The following SLC7A2 variants were observed in gnomAD, a reference collection of about 807,000 sequenced individuals.
The protein encoded by SLC7A2 is cationic amino acid transporter 2.
Under a neutral mutation model 58.9 loss-of-function variants are expected in SLC7A2, and 48 were observed. The ratio of observed to expected loss-of-function variants is 0.82; its 90% CI spans 0.65 to 1.04. The LOEUF is 1.04. Ranked by LOEUF, SLC7A2 falls within the 50% of genes least tolerant of loss-of-function variation. The probability of loss-of-function intolerance (pLI) is 0.00; values close to 1 mark genes in which losing one functional copy is unlikely to be tolerated. For missense variants in SLC7A2, 1,029 were observed against 818.8 expected (o/e 1.26, Z -3.13); for synonymous variants, 363 against 314.5 (o/e 1.15, Z -1.63).
At chr8:17,524,979 G>A (rs55927152) in intron 2 of SLC7A2, among the ~76,000 whole-genome samples, 1 of 152,114 alleles carries the variant, frequency 6.6e-6, no homozygotes, top group Non-Finnish European at 1.5e-5. Flanking sequence ...AAGGGTCAGG[G>A]ATGACTCAGA....
At chr8:17,503,746 T>G (rs1039488551) in intron 2 of SLC7A2, among the ~76,000 whole-genome samples, 2 of 152,244 alleles carry the variant, frequency 1.3e-5, no homozygotes, top group Non-Finnish European at 2.9e-5. Context: ...AGCTCAAAGC[T>G]TTAGGCTACT....
chr8:17,538,685 G>T, intron 2 of SLC7A2: 1 of 910,030 alleles, frequency 1.1e-6, no homozygotes, highest in Non-Finnish European at 1.6e-6. Flanking sequence ...CGTTGGGTTT[G>T]GACATTGCAA....
At chr8:17,540,565 C>G (rs1801868488) in intron 2 of SLC7A2, among the ~76,000 whole-genome samples, 1 of 152,072 alleles carries the variant, frequency 6.6e-6, no homozygotes, top group South Asian at 2.1e-4. Flanking sequence ...GTGATTAAAG[C>G]TGTGCATTTC....
chr8:17,531,809 G>C (rs1801461705), intron 2 of SLC7A2, among the ~76,000 whole-genome samples: 1 of 151,952 alleles, frequency 6.6e-6, no homozygotes. Flanking sequence ...TCCAAGGAAG[G>C]AATTGTTTCA....
At chr8:17,501,256 C>T (rs370253732) in intron 1 of SLC7A2, among the ~76,000 whole-genome samples, 144 of 152,216 alleles carry the variant, frequency 9.5e-4, no homozygotes, top group African/African-American at 3.2e-3. Flanking sequence ...TCAAGTGATC[C>T]GCCTGCCTCG....
Position 17,563,782 on chromosome 8 carries a change from C to T in SLC7A2, c.1780+71C>T, listed in dbSNP as rs1331200626. The T allele has an allele frequency of 1.6e-5, 14 of 877,196 alleles. No individual in the cohort carries two copies. In the Admixed American group the frequency reaches 2.7e-4, roughly 17 times the overall value. The allele number at this position is 877,196 out of a possible 1,614,324, so 54.3% of individuals were successfully genotyped here. A position where few individuals can be genotyped will look rare whatever the true frequency, so the allele number is the denominator to read the frequency against. The stretch of plus-strand genomic sequence containing the variant: ...GATGAGAGAAACATGCCCTCTCCCC[C>T]ATCCTGGGAATAAAGGCTTTTTTTT... On this transcript the variant is annotated intron_variant, in intron 12 of 12. Transcript: ENST00000494857.
At chr8:17,517,587 A>G (rs914389301) in intron 2 of SLC7A2, among the ~76,000 whole-genome samples, 1 of 151,908 alleles carries the variant, frequency 6.6e-6, no homozygotes, top group Non-Finnish European at 1.5e-5. Context: ...AATTTTTAAT[A>G]CAGACTTAAG....
At chr8:17,539,915 A>G (rs552144209) in intron 2 of SLC7A2, among the ~76,000 whole-genome samples, 33 of 152,320 alleles carry the variant, frequency 2.2e-4, no homozygotes, top group African/African-American at 7.9e-4. Flanking sequence ...TAAGATGGTC[A>G]TAACCATTTC....
intron 2 of SLC7A2, among the ~76,000 whole-genome samples, chr8:17,507,866 A>G (rs1017074962): frequency 1.3e-5 from 2 of 152,168 alleles, no homozygotes; most frequent in African/African-American, 4.8e-5. Context: ...AAGTTTTTAG[A>G]TTTTGAAATT....
chr8:17,543,241 T>C, intron 2 of SLC7A2, 77 bp from the exon 3 acceptor site: 1 of 1,300,614 alleles, frequency 7.7e-7, no homozygotes. Context: ...CATACTCTAA[T>C]TGTGCCTGGA....
intron 2 of SLC7A2, chr8:17,510,584 T>G (rs1258493981): frequency 1.3e-5 from 2 of 152,182 alleles, no homozygotes; most frequent in Non-Finnish European, 1.5e-5. Flanking sequence ...TAATGATCAG[T>G]GATGTTGAGC....
chr8:17,523,916 G>A (rs1290126013), intron 2 of SLC7A2, among the ~76,000 whole-genome samples: 2 of 150,016 alleles, frequency 1.3e-5, no homozygotes, highest in African/African-American at 2.5e-5. Context: ...AAATCAGCAA[G>A]AAAAAAAAAT....
In SLC7A2 at chr8:17,568,318, A is replaced by G. The variant is rs1362907610; in HGVS notation, c.*3172A>G. 6.6e-6 allele frequency: 1 copy of G among 152,156 alleles called. No individual in the cohort carries two copies. Among genetic ancestry groups the G allele is most frequent in the Non-Finnish European group, 1.5e-5 (1 of 68,028 alleles). 9.4% of individuals were successfully genotyped at this position (152,156 alleles called of 1,614,324 possible). On this transcript the variant is annotated 3_prime_UTR_variant, in exon 13 of 13. Transcript: ENST00000494857. ...CCTACATTTAAGAATAGAGCTATGC[A>G]AACTCTGTTAAAAACTATGAGGAAA...
intron 8 of SLC7A2, among the ~76,000 whole-genome samples, chr8:17,555,252 GGTGGTATAATGAA>G (rs1245212211): frequency 2.6e-5 from 4 of 151,918 alleles, no homozygotes; most frequent in African/African-American, 4.8e-5. Context: ...TTGTGGTGGC[GGTGGTATAATGAA>G]GTTCATTCTT....
chr8:17,562,988 A>G (rs541493137), intron 11 of SLC7A2, among the ~76,000 whole-genome samples: 12 of 152,186 alleles, frequency 7.9e-5, no homozygotes, highest in African/African-American at 2.6e-4. Context: ...AAAACAAACA[A>G]ACAAATTAGC....
intron 4 of SLC7A2, among the ~76,000 whole-genome samples, chr8:17,546,896 A>T (rs1055231609): frequency 6.6e-6 from 1 of 152,204 alleles, no homozygotes; most frequent in African/African-American, 2.4e-5. Flanking sequence ...AAAGATATAC[A>T]TATGATAAAT....
chr8:17,528,560 A>G (rs980552170), intron 2 of SLC7A2, among the ~76,000 whole-genome samples: 1 of 151,838 alleles, frequency 6.6e-6, no homozygotes, highest in Non-Finnish European at 1.5e-5. Flanking sequence ...GCTAATTTTT[A>G]TAGAAACGGG....
At chr8:17,526,990 A>G (rs980455831) in intron 2 of SLC7A2, among the ~76,000 whole-genome samples, 7 of 152,114 alleles carry the variant, frequency 4.6e-5, no homozygotes, top group African/African-American at 1.7e-4. Context: ...TCAATGGGTC[A>G]GTATCATCCT....
intron 2 of SLC7A2, among the ~76,000 whole-genome samples, chr8:17,531,933 A>G (rs1018019989): frequency 6.6e-6 from 1 of 152,066 alleles, no homozygotes; most frequent in Non-Finnish European, 1.5e-5. Context: ...TTTCTTAGTT[A>G]ATAAAAAAAT....
Sources: gnomAD v4.1 joint callset for allele counts (sites outside exome capture counted in the v4.1 genomes callset) on GRCh38, gnomAD v4.1.1 for gene constraint, MANE v1.5 for transcripts, NCBI Gene and HGNC (gene_info 2026-07-23, HGNC 2026-07-21) for gene names.